SMYD3: variants seen among roughly 807,000 people sequenced by gnomAD.
SMYD3 encodes histone-lysine N-methyltransferase SMYD3.
A neutral mutation model predicts 57.7 loss-of-function variants in SMYD3; 36 were observed. The ratio of observed to expected loss-of-function variants is 0.62; its 90% CI spans 0.48 to 0.82. The LOEUF (loss-of-function observed/expected upper bound fraction) is 0.82. Ranked by LOEUF, SMYD3 falls within the 40% of genes least tolerant of loss-of-function variation. The probability of loss-of-function intolerance (pLI) is 0.00; values close to 1 mark genes in which losing one functional copy is unlikely to be tolerated. For missense variants in SMYD3, 515 were observed against 538.8 expected, an observed-to-expected ratio of 0.96 and a Z score of 0.44; for synonymous variants, 211 against 195.0, an observed-to-expected ratio of 1.08 and a Z score of -0.68.
At chr1:246,094,685 C>T (rs1238321087) in intron 5 of SMYD3, among the ~76,000 whole-genome samples, 4 of 152,176 alleles carry the variant, frequency 2.6e-5, no homozygotes, top group Non-Finnish European at 5.9e-5. Flanking sequence ...TATAGCAAAA[C>T]GCACAGGATC....
chr1:246,213,448 T>C (rs1430679757), intron 5 of SMYD3, among the ~76,000 whole-genome samples: 2 of 152,142 alleles, frequency 1.3e-5, no homozygotes, highest in East Asian at 1.9e-4. Flanking sequence ...TTATAGCACA[T>C]ATGATCTTTG....
intron 5 of SMYD3, among the ~76,000 whole-genome samples, chr1:246,168,389 C>T (rs1353673326): frequency 1.3e-5 from 2 of 152,028 alleles, no homozygotes; most frequent in Admixed American, 6.6e-5. Flanking sequence ...CATGTTAAGA[C>T]AAAAATGGCC....
intron 5 of SMYD3, among the ~76,000 whole-genome samples, chr1:246,110,792 C>T (rs576128036): frequency 6.6e-6 from 1 of 152,332 alleles, no homozygotes; most frequent in South Asian, 2.1e-4. Flanking sequence ...TGCTGAGTCA[C>T]CCGGGATGTT....
intron 5 of SMYD3, among the ~76,000 whole-genome samples, chr1:246,113,330 A>G (rs1277947939): frequency 6.6e-6 from 1 of 152,208 alleles, no homozygotes; most frequent in East Asian, 1.9e-4. Context: ...TTCGCTTATT[A>G]GAATAAAATC....
intron 1 of SMYD3, among the ~76,000 whole-genome samples, chr1:246,481,267 A>G (rs767493176): frequency 3.8e-4 from 58 of 152,162 alleles, no homozygotes; most frequent in Admixed American, 1.1e-3. Flanking sequence ...ATGCCCAGAT[A>G]TGTGGTTAAA....
At chr1:246,440,818 T>C (rs894942522) in intron 1 of SMYD3, among the ~76,000 whole-genome samples, 70 of 152,160 alleles carry the variant, frequency 4.6e-4, no homozygotes, top group African/African-American at 1.6e-3. Flanking sequence ...GCTCCATGGA[T>C]TGGGGCTTTC....
intron 1 of SMYD3, among the ~76,000 whole-genome samples, chr1:246,439,924 T>G (rs540563156): frequency 5.7e-4 from 87 of 152,298 alleles, no homozygotes; most frequent in Admixed American, 2.0e-4. Context: ...CACTCCAGCC[T>G]GGGTAACAGA....
chr1:246,210,174 T>C (rs2063064207), intron 5 of SMYD3, among the ~76,000 whole-genome samples: 1 of 152,156 alleles, frequency 6.6e-6, no homozygotes, highest in Non-Finnish European at 1.5e-5. Flanking sequence ...AAGCTTTTAA[T>C]GATCTGCCCA....
intron 5 of SMYD3, among the ~76,000 whole-genome samples, chr1:245,939,336 G>C (rs746266999): frequency 6.6e-6 from 1 of 151,090 alleles, no homozygotes; most frequent in African/African-American, 2.5e-5. Context: ...GGTTTAAAAA[G>C]ATAGACAGGC....
At chr1:246,470,578 A>G (rs2067947642) in intron 1 of SMYD3, among the ~76,000 whole-genome samples, 1 of 149,944 alleles carries the variant, frequency 6.7e-6, no homozygotes, top group Non-Finnish European at 1.5e-5. Flanking sequence ...CTATATATAT[A>G]CACACACACT....
chr1:246,147,998 C>T (rs556018523), intron 5 of SMYD3, among the ~76,000 whole-genome samples: 5 of 152,238 alleles, frequency 3.3e-5, no homozygotes, highest in South Asian at 2.1e-4. Context: ...GATCTCCGAC[C>T]GGGGTTGGGG....
At chr1:245,804,581 A>G (rs939643716) in intron 10 of SMYD3, among the ~76,000 whole-genome samples, 3 of 152,206 alleles carry the variant, frequency 2.0e-5, no homozygotes, top group Non-Finnish European at 4.4e-5. Context: ...AAACAAAAAA[A>G]CTTAATTCCC....
intron 5 of SMYD3, among the ~76,000 whole-genome samples, chr1:246,308,587 A>G (rs2065025879): frequency 6.6e-6 from 1 of 152,132 alleles, no homozygotes; most frequent in South Asian, 2.1e-4. Context: ...CCCCTACCAA[A>G]CTGACAAATT....
intron 5 of SMYD3, among the ~76,000 whole-genome samples, chr1:246,070,625 A>G (rs2060426708): frequency 6.6e-6 from 1 of 152,194 alleles, no homozygotes; most frequent in South Asian, 2.1e-4. Flanking sequence ...CGACCTGAGG[A>G]TCTGTCAGAA....
chr1:246,130,132 T>C (rs965478954), intron 5 of SMYD3, among the ~76,000 whole-genome samples: 7 of 152,206 alleles, frequency 4.6e-5, no homozygotes, highest in East Asian at 1.9e-4. Flanking sequence ...GAAAAACTTA[T>C]ATGTTCAATT....
chr1:245,846,330 G>A lies in SMYD3; in HGVS notation c.1076+12166C>T, dbSNP rs1052419201. Reference sequence around the variant, plus strand: ...GTGTAGGCAACAGATTCTACTCTGCGTGAAGGTGCTCAGGTGGATTTCTGT... The same window carrying A: ...GTGTAGGCAACAGATTCTACTCTGCATGAAGGTGCTCAGGTGGATTTCTGT... On this transcript the variant is annotated intron_variant, in intron 10 of 11. Coordinates refer to ENST00000490107, the MANE Select transcript of SMYD3 (RefSeq NM_001167740.2). Among the ~76,000 whole-genome samples the A allele has an allele frequency of 4.6e-5, 7 of 152,198 alleles. No homozygotes were observed. The South Asian group carries it at 6.2e-4, about 14-fold the overall frequency.
intron 8 of SMYD3, among the ~76,000 whole-genome samples, chr1:245,884,790 A>AATGG (rs879741020): frequency 1 from 146,045 of 146,660 alleles, 72,756 homozygotes; most frequent in Non-Finnish European, 1. Context: ...AAGGATTGTA[A>AATGG]ACGGACCAAT....
At chr1:245,958,272 T>C (rs1342000973) in intron 5 of SMYD3, among the ~76,000 whole-genome samples, 2 of 152,198 alleles carry the variant, frequency 1.3e-5, no homozygotes, top group African/African-American at 4.8e-5. Context: ...GAATGAGCTA[T>C]AAAATAACAT....
intron 8 of SMYD3, among the ~76,000 whole-genome samples, chr1:245,898,809 G>A (rs924728538): frequency 1.7e-4 from 26 of 152,168 alleles, no homozygotes; most frequent in African/African-American, 6.3e-4. Context: ...AAAGCAGCAC[G>A]CTATGTTCTT....
Sources: gnomAD v4.1 joint callset for allele counts (sites outside exome capture counted in the v4.1 genomes callset) on GRCh38, gnomAD v4.1.1 for gene constraint, MANE v1.5 for transcripts, NCBI Gene and HGNC (gene_info 2026-07-23, HGNC 2026-07-21) for gene names.